Variants in SLC35A2 observed in about 807,000 individuals in gnomAD.
The protein encoded by SLC35A2 is solute carrier family 35 member A2.
In SLC35A2, 1 loss-of-function variant was observed where a neutral mutation model predicts 17.3. That is an observed-to-expected ratio of 0.06 (90% confidence interval 0.02 to 0.27). The LOEUF is 0.27. Among genes scored for constraint, SLC35A2 ranks in the 10% least tolerant of loss-of-function variants. The pLI is 1.00. For missense variants in SLC35A2, 191 were observed against 339.3 expected (o/e 0.56, Z 3.43); for synonymous variants, 161 against 161.3 (o/e 1.00, Z 0.01).
intron 4 of SLC35A2, 65 bp from the exon 5 acceptor site, chrX:48,903,530 G>A (rs782721153): frequency 5.1e-5 from 29 of 563,208 alleles, no homozygotes; most frequent in Non-Finnish European, 8.0e-5. Flanking sequence ...CGGGTTTCCT[G>A]AGCAAGTGAG....
At chrX:48,903,790 G>T in intron 4 of SLC35A2, 1 of 892,250 alleles carries the variant, frequency 1.1e-6, no homozygotes, top group South Asian at 3.4e-5. Context: ...ACCCCGCCCC[G>T]ATACAGTTAA....
intron 4 of SLC35A2, chrX:48,904,489 C>A: frequency 1.8e-6 from 2 of 1,111,268 alleles, no homozygotes; most frequent in Non-Finnish European, 2.4e-6. Flanking sequence ...TTAGAGGGAG[C>A]AGAGGCGGCA....
At chrX:48,904,641 C>A (rs782763371) in intron 4 of SLC35A2, 105 bp downstream of exon 4, 2 of 1,206,006 alleles carry the variant, frequency 1.7e-6, no homozygotes, top group African/African-American at 3.5e-5. Context: ...AGCCAGGCCC[C>A]GGAGGGTGGC....
chrX:48,904,243 G>A, intron 4 of SLC35A2: 1 of 888,344 alleles, frequency 1.1e-6, no homozygotes, highest in Non-Finnish European at 1.4e-6. Flanking sequence ...ATCCAGAGCG[G>A]TGGTAAGGGA....
chrX:48,905,736 G>A (rs1160317614), intron 3 of SLC35A2: 2 of 347,593 alleles, frequency 5.8e-6, no homozygotes, highest in African/African-American at 2.6e-5. Context: ...TTTCCTGGCT[G>A]TGTGACTGGG....
At chrX:48,905,919 C>T (rs2518419) in intron 3 of SLC35A2, 17,790 of 274,542 alleles carry the variant, frequency 0.065, 506 homozygotes, top group African/African-American at 0.11. Context: ...AGGCACTGCA[C>T]GTGAATTCAT....
chrX:48,911,412 C>T, intron 1 of SLC35A2, 134 bp downstream of exon 1: 2 of 821,856 alleles, frequency 2.4e-6, no homozygotes, highest in Non-Finnish European at 3.5e-6. Flanking sequence ...AACACACTGA[C>T]AATGTGCACA....
intron 4 of SLC35A2, chrX:48,903,738 C>T (rs1219700756): frequency 1.1e-5 from 11 of 968,507 alleles, no homozygotes; most frequent in Admixed American, 4.6e-5. Flanking sequence ...GCTCTATTTA[C>T]ATATAGCAAA....
chrX:48,911,840 G>A (rs2147501196), upstream of SLC35A2: 1 of 1,165,946 alleles, frequency 8.6e-7, no homozygotes, highest in Admixed American at 2.6e-5. Flanking sequence ...CGGGGACACG[G>A]CCCGATCGGC....
At chrX:48,910,203 G>A (rs1557043758) in intron 1 of SLC35A2, 2 of 1,059,949 alleles carry the variant, frequency 1.9e-6, no homozygotes, top group Non-Finnish European at 2.5e-6. Flanking sequence ...CCAGAAGGGA[G>A]AAATGGGCCC....
At chrX:48,908,501 C>T (rs1223262819) in intron 2 of SLC35A2, among the ~76,000 whole-genome samples, 2 of 111,571 alleles carry the variant, frequency 1.8e-5, no homozygotes, top group African/African-American at 6.5e-5. Context: ...CCAGGAACTC[C>T]TACTGATGTT....
chrX:48,910,302 CAA>C (rs2063523335), intron 1 of SLC35A2: 2 of 1,132,687 alleles, frequency 1.8e-6, no homozygotes, highest in Non-Finnish European at 2.3e-6. Context: ...GGCTTCCTCC[CAA>C]GTGAGAAGCA....
intron 2 of SLC35A2, among the ~76,000 whole-genome samples, chrX:48,907,202 T>C (rs1335023138): frequency 2.8e-5 from 3 of 106,319 alleles, no homozygotes; most frequent in African/African-American, 1.0e-4. Context: ...GAAATAACCA[T>C]CATTAACTTG....
intron 4 of SLC35A2, 189 bp from the exon 5 acceptor site, chrX:48,903,654 C>T (rs1324871043): frequency 2.3e-5 from 17 of 749,593 alleles, no homozygotes; most frequent in Admixed American, 2.0e-4. Context: ...GATATCCTGA[C>T]ATTTGTTCAT....
intron 1 of SLC35A2, 68 bp from the exon 2 acceptor site, chrX:48,910,064 C>T (rs2063520945): frequency 1.0e-6 from 1 of 993,399 alleles, no homozygotes; most frequent in South Asian, 2.1e-5. Context: ...GCCACACCAC[C>T]ACCCACCCCC....
rs1199079627 is a variant in SLC35A2, at chrX:48,909,987, C to T, written c.101G>A (p.Arg34His). 3 of 1,206,209 alleles carry T rather than the reference C, an allele frequency of 2.5e-6. No homozygotes were observed. Among genetic ancestry groups the T allele is most frequent in the African/African-American group, 3.5e-5 (2 of 57,211 alleles). The change falls in exon 2 of 5, where the codon CGC becomes CAC. Residue 34 changes from arginine to histidine, a missense_variant. Arg to His is a conservative substitution (Grantham distance 29). This residue lies in a region of SLC35A2 where 164 missense variants were observed against 315.3 expected (regional missense o/e 0.52). Transcript: ENST00000247138. ...CACAGCTAGGGATATGTACTTCAGG[C>T]GCCTGTGAGCTGTGGGGAACGGAAG... The part of the protein sequence containing the change: ...EPGTASAAHR[R>H]LKYISLAVLV...
intron 1 of SLC35A2, among the ~76,000 whole-genome samples, chrX:48,910,598 C>G (rs2063525810): frequency 9.0e-6 from 1 of 111,350 alleles, no homozygotes; most frequent in Non-Finnish European, 1.9e-5. Flanking sequence ...TAAGAACGGT[C>G]TTTCTCCTAT....
chrX:48,908,475 A>G (rs1201548442), intron 2 of SLC35A2, among the ~76,000 whole-genome samples: 2 of 110,852 alleles, frequency 1.8e-5, no homozygotes, highest in Non-Finnish European at 3.8e-5. Context: ...TTCTTCAAAC[A>G]CTGAACAAGG....
rs1237404358 is a variant in SLC35A2, at chrX:48,909,491, G to A, written c.274+323C>T. On this transcript the variant is annotated intron_variant, in intron 2 of 4. Transcript: ENST00000247138. ...TGCTAATTGCTGACTCTGGGGGATG[G>A]GTACATGGATATTTTACTATTTGAT... Among the ~76,000 whole-genome samples the A allele has an allele frequency of 7.1e-5, 8 of 112,799 alleles. No individual in the cohort carries two copies. The Admixed American group carries it at 7.5e-4, about 11-fold the overall frequency.
Sources: gnomAD v4.1 joint callset for allele counts (sites outside exome capture counted in the v4.1 genomes callset) on GRCh38, gnomAD v4.1.1 for gene constraint, gnomAD v4.1.1 regional missense constraint, MANE v1.5 for transcripts, NCBI Gene and HGNC (gene_info 2026-07-23, HGNC 2026-07-21) for gene names.